Variants in MPDZ observed in about 807,000 individuals in gnomAD.
MPDZ encodes multiple PDZ domain protein.
A neutral mutation model predicts 239.1 loss-of-function variants in MPDZ; 234 were observed. The ratio of observed to expected loss-of-function variants is 0.98; its 90% CI spans 0.88 to 1.09. The LOEUF (loss-of-function observed/expected upper bound fraction) is 1.09. MPDZ is among the 50% of genes least tolerant of loss of function. MPDZ has a pLI of 0.00. For synonymous variants in MPDZ, 1,048 were observed against 881.3 expected, an observed-to-expected ratio of 1.19 and a Z score of -3.35; for missense variants, 3,175 against 2,510.0, an observed-to-expected ratio of 1.26 and a Z score of -5.66.
intron 31 of MPDZ, chr9:13,134,663 A>C (rs1304055163): frequency 6.6e-6 from 1 of 152,162 alleles, no homozygotes; most frequent in African/African-American, 2.4e-5. Flanking sequence ...AAATCAAAAC[A>C]AAACCACTCT....
Position 13,192,164 on chromosome 9 carries a change from G to A in MPDZ, c.1935C>T (p.Ser645=). 1 of 1,608,974 alleles carries A rather than the reference G, an allele frequency of 6.2e-7. No homozygotes were observed. ...VPPTTQSELD[S]LDLCDIELTE... ...TTAGCTCAATATCACATAAGTCCAG[G>A]CTATCCAATTCTGATTGGGTGGTGG... The change falls in exon 15 of 47, where the codon AGC becomes AGT. Residue 645 remains serine (S), a synonymous_variant. Coordinates refer to ENST00000319217, the MANE Select transcript of MPDZ (RefSeq NM_001378778.1).
intron 10 of MPDZ, among the ~76,000 whole-genome samples, chr9:13,215,500 C>T (rs903280655): frequency 3.3e-5 from 5 of 150,616 alleles, no homozygotes; most frequent in South Asian, 2.1e-4. Context: ...GCTTCCATGT[C>T]GTGGCGAGTG....
rs553623826 is a variant in MPDZ at position 13,219,638 on chromosome 9, C to A, written c.1007G>T (p.Gly336Val). The change falls in exon 8 of 47, where the codon GGT (glycine) becomes GTT (valine). Residue 336 changes from glycine to valine, a missense_variant. By Grantham distance (109) the Gly-to-Val change is moderately radical. Coordinates refer to ENST00000319217, the MANE Select transcript of MPDZ (RefSeq NM_001378778.1). The part of the protein sequence containing the change: ...GNRVKLMIAR[G>V]AIEERTAPTA... Reference sequence around the variant, plus strand: ...GGGTGCTGTACGTTCTTCTATGGCACCTCTTGCAATCATCAACTTAACTCT... The same window carrying A: ...GGGTGCTGTACGTTCTTCTATGGCAACTCTTGCAATCATCAACTTAACTCT... 5.0e-6 allele frequency: 8 copies of A among 1,612,540 alleles called. No individual in the cohort carries two copies. The Admixed American group carries it at 1.3e-4, about 27-fold the overall frequency.
At chr9:13,114,916 T>A (rs186599668) in intron 40 of MPDZ, among the ~76,000 whole-genome samples, 1 of 151,664 alleles carries the variant, frequency 6.6e-6, no homozygotes, top group Admixed American at 6.6e-5. Flanking sequence ...AATAAATAAA[T>A]AAATAAAATA....
At chr9:13,223,518 A>G (rs73408221) in intron 5 of MPDZ, 53 bp downstream of exon 5, 1 of 1,544,828 alleles carries the variant, frequency 6.5e-7, no homozygotes, top group African/African-American at 1.4e-5. Context: ...CATAGTAACC[A>G]AAACCTTCAG....
At chr9:13,240,294 C>T (rs1965074319) in intron 3 of MPDZ, among the ~76,000 whole-genome samples, 1 of 151,900 alleles carries the variant, frequency 6.6e-6, no homozygotes, top group South Asian at 2.1e-4. Context: ...ATTCTCTCTC[C>T]ATTCCACTAT....
rs116558664 is a variant in MPDZ, at chr9:13,251,946, A to G, written c.-57-1574T>C. On this transcript the variant is annotated intron_variant, in intron 1 of 46. Coordinates refer to ENST00000319217, the MANE Select transcript of MPDZ (RefSeq NM_001378778.1). ...AAGTGTGGCCTTGAGCAAGGGACCT[A>G]TCATCTCAACCTCAGTTTCTTTTAA... is the stretch of plus-strand genomic sequence containing the variant. Among the ~76,000 whole-genome samples the G allele has an allele frequency of 5.2e-3, 796 of 152,322 alleles. 11 individuals are homozygous for G. The highest frequency in any genetic ancestry group is 0.018 in the African/African-American group (742 of 41,576).
intron 3 of MPDZ, among the ~76,000 whole-genome samples, chr9:13,231,422 C>G (rs1218912122): frequency 6.6e-6 from 1 of 151,994 alleles, no homozygotes; most frequent in Non-Finnish European, 1.5e-5. Context: ...AAAAAATTAG[C>G]TGAGCATGGT....
chr9:13,183,525 C>T lies in MPDZ; in HGVS notation c.2542G>A (p.Glu848Lys). The T allele has an allele frequency of 6.2e-7, 1 of 1,612,476 alleles. No individual in the cohort carries two copies. The highest frequency in any genetic ancestry group is 8.5e-7 in the Non-Finnish European group (1 of 1,179,064). Residue 848 changes from glutamate to lysine, a missense_variant, in exon 19 of 47, where the codon GAA becomes AAA. Transcript: ENST00000319217. ...ESTFESPYSP[E>K]NDSIYSTQAS... ...TGAGTAGAGTAGATGCTGTCATTTT[C>T]AGGAGAGTATGGAGACTCAAATGTG...
In MPDZ at chr9:13,119,846, T is replaced by C. The variant is rs974983084; in HGVS notation, c.5232-197A>G. 7.3e-5 allele frequency: 44 copies of C among 600,130 alleles called. 1 individual carries two copies. Among genetic ancestry groups the C allele is most frequent in the South Asian group, 6.2e-4 (31 of 49,902 alleles). 37.2% of individuals were successfully genotyped at this position (600,130 alleles called of 1,614,324 possible). On this transcript the variant is annotated intron_variant, in intron 38 of 46. Coordinates refer to ENST00000319217, the MANE Select transcript of MPDZ (RefSeq NM_001378778.1). ...ACAGCTTATGTCTTACAGTGCTTCA[T>C]AGATTAAAATGATCTCCAATAAGCA...
intron 22 of MPDZ, among the ~76,000 whole-genome samples, chr9:13,164,404 A>G (rs1048660358): frequency 2.6e-5 from 4 of 152,178 alleles, no homozygotes; most frequent in African/African-American, 9.6e-5. Context: ...AATAAAATAA[A>G]GATAAACATA....
chr9:13,165,567 C>A, intron 22 of MPDZ: 1 of 689,384 alleles, frequency 1.5e-6, no homozygotes. Context: ...TACACCTCCC[C>A]CAGAAAAGCA....
At chr9:13,196,259 A>C (rs117277371) in intron 12 of MPDZ, 29 bp from the exon 13 acceptor site, 52 of 1,447,584 alleles carry the variant, frequency 3.6e-5, no homozygotes, top group Non-Finnish European at 4.9e-5. Flanking sequence ...TTAAGTTAGC[A>C]GCAAACTACA....
chr9:13,278,177 T>C (rs1490246366), intron 1 of MPDZ, among the ~76,000 whole-genome samples: 1 of 152,194 alleles, frequency 6.6e-6, no homozygotes, highest in Admixed American at 6.5e-5. Flanking sequence ...ATTCCTTCTC[T>C]ATGACATCAA....
chr9:13,108,272 G>T (rs967586349), intron 46 of MPDZ, among the ~76,000 whole-genome samples: 2 of 151,916 alleles, frequency 1.3e-5, no homozygotes, highest in Non-Finnish European at 2.9e-5. Context: ...AATTACATGG[G>T]TTTAAATTAT....
intron 21 of MPDZ, 40 bp downstream of exon 21, chr9:13,175,712 G>T: frequency 1.3e-6 from 2 of 1,495,238 alleles, no homozygotes; most frequent in South Asian, 1.2e-5. Context: ...CTTGTCAAGG[G>T]GGTTGAGGAG....
At chr9:13,163,016 T>C (rs1186115891) in intron 22 of MPDZ, among the ~76,000 whole-genome samples, 1 of 152,166 alleles carries the variant, frequency 6.6e-6, no homozygotes, top group East Asian at 1.9e-4. Flanking sequence ...TAAATGCTGC[T>C]GATTAACTAT....
chr9:13,180,612 T>C (rs1953164632), intron 19 of MPDZ, among the ~76,000 whole-genome samples: 1 of 152,192 alleles, frequency 6.6e-6, no homozygotes, highest in South Asian at 2.1e-4. Flanking sequence ...AAAAACCAAT[T>C]ATTTCTGCAT....
At chr9:13,165,233 A>G in intron 22 of MPDZ, 1 of 855,028 alleles carries the variant, frequency 1.2e-6, no homozygotes, top group Admixed American at 3.1e-5. Flanking sequence ...AACAAAGAAA[A>G]CAATCTAAAA....
Sources: allele counts gnomAD v4.1 joint callset (sites outside exome capture counted in the v4.1 genomes callset), GRCh38; gene constraint gnomAD v4.1.1; transcripts MANE v1.5; gene names NCBI Gene and HGNC (gene_info 2026-07-23, HGNC 2026-07-21).